The following CATSPERQ variants were observed in gnomAD, a reference collection of about 807,000 sequenced individuals.
CATSPERQ encodes the protein catsper channel auxiliary subunit theta, also known as cation channel sperm-associated auxiliary subunit theta.
the CATSPERQ span, chr8:144,353,466 A>C: frequency 6.5e-7 from 1 of 1,535,942 alleles, no homozygotes; most frequent in Non-Finnish European, 8.7e-7. Context: ...GGAGGTGGCC[A>C]GGTAGTCGAA....
At chr8:144,354,648 G>A in the CATSPERQ span, 22 of 1,533,352 alleles carry the variant, frequency 1.4e-5, no homozygotes, top group East Asian at 4.9e-5. This position sits in a 1 kb window ranked among gnomAD's most constrained non-coding sequence, Gnocchi z 4.6. Context: ...ATGGGTAGAA[G>A]CTATTGTTCT....
chr8:144,354,874 C>T, the CATSPERQ span: 1 of 1,441,670 alleles, frequency 6.9e-7, no homozygotes, highest in Non-Finnish European at 9.1e-7. The surrounding 1 kb of genome is among the most constrained non-coding windows in gnomAD (Gnocchi z 4.6). Context: ...GCTGCAGGCC[C>T]AGGAAGGAGC....
the CATSPERQ span, chr8:144,354,346 G>A: frequency 6.5e-7 from 1 of 1,531,880 alleles, no homozygotes; most frequent in South Asian, 1.2e-5. This position sits in a 1 kb window ranked among gnomAD's most constrained non-coding sequence, Gnocchi z 4.6. Flanking sequence ...GGGTGGCGCG[G>A]CGCGTGAGGA....
At chr8:144,353,920 T>TC in the CATSPERQ span, 1 of 1,527,688 alleles carries the variant, frequency 6.5e-7, no homozygotes, top group South Asian at 1.2e-5. Flanking sequence ...CCAAGCTGCC[T>TC]CCCCGTCCCT....
the CATSPERQ span, chr8:144,353,640 C>T: frequency 1.4e-5 from 20 of 1,451,678 alleles, no homozygotes; most frequent in South Asian, 5.0e-5. Context: ...GAAGCCCCGG[C>T]GCCCTCTCCA....
the CATSPERQ span, chr8:144,354,754 C>T: frequency 3.9e-6 from 6 of 1,535,330 alleles, no homozygotes; most frequent in South Asian, 2.4e-5. This position sits in a 1 kb window ranked among gnomAD's most constrained non-coding sequence, Gnocchi z 4.6. Context: ...GCTGCCGGCC[C>T]GGCCCTTAGG....
the CATSPERQ span, chr8:144,353,991 C>G: frequency 3.3e-6 from 5 of 1,534,626 alleles, no homozygotes; most frequent in African/African-American, 5.5e-5. Context: ...AGACCAGATG[C>G]AAGGGGCCCT....
At chr8:144,353,848 A>C in the CATSPERQ span, 5 of 1,535,276 alleles carry the variant, frequency 3.3e-6, no homozygotes, top group Non-Finnish European at 4.4e-6. Context: ...CAGGTGGAAG[A>C]AGCACCTTCC....
At chr8:144,353,299 C>G in the CATSPERQ span, 2 of 1,483,296 alleles carry the variant, frequency 1.3e-6, no homozygotes, top group Admixed American at 2.3e-5. Flanking sequence ...CAGAGTGGGG[C>G]TGGGAGGTTA....
the CATSPERQ span, chr8:144,354,649 C>A: frequency 6.5e-7 from 1 of 1,533,452 alleles, no homozygotes; most frequent in South Asian, 1.2e-5. The surrounding 1 kb of genome is among the most constrained non-coding windows in gnomAD (Gnocchi z 4.6). Flanking sequence ...TGGGTAGAAG[C>A]TATTGTTCTT....
At chr8:144,353,588 G>A in the CATSPERQ span, 4 of 1,483,984 alleles carry the variant, frequency 2.7e-6, no homozygotes, top group Non-Finnish European at 3.6e-6. Context: ...TCGCCGTCCA[G>A]GCGTCTCCTT....
chr8:144,353,589 G>A, the CATSPERQ span: 1 of 1,483,302 alleles, frequency 6.7e-7, no homozygotes, highest in Non-Finnish European at 9.0e-7. Context: ...CGCCGTCCAG[G>A]CGTCTCCTTC....
the CATSPERQ span, chr8:144,354,274 A>G: frequency 2.6e-6 from 4 of 1,520,932 alleles, 1 homozygote; most frequent in Non-Finnish European, 3.5e-6. The surrounding 1 kb of genome is among the most constrained non-coding windows in gnomAD (Gnocchi z 4.6). Flanking sequence ...GACCACGCTG[A>G]TGATGAAGAG....
At chr8:144,354,332 CTG>C in the CATSPERQ span, 9 of 1,533,116 alleles carry the variant, frequency 5.9e-6, no homozygotes, top group African/African-American at 9.6e-5. The surrounding 1 kb of genome is among the most constrained non-coding windows in gnomAD (Gnocchi z 4.6). Flanking sequence ...AGCACGAAGA[CTG>C]GGGGTGGCGC....
chr8:144,354,617 C>T, the CATSPERQ span: 2 of 1,528,514 alleles, frequency 1.3e-6, no homozygotes, highest in Non-Finnish European at 1.7e-6. The surrounding 1 kb of genome is among the most constrained non-coding windows in gnomAD (Gnocchi z 4.6). Flanking sequence ...TCGCGCGCAC[C>T]GTTTGGCTCC....
At chr8:144,354,445 C>T in the CATSPERQ span, 2 of 1,314,568 alleles carry the variant, frequency 1.5e-6, no homozygotes, top group Non-Finnish European at 2.0e-6. This position sits in a 1 kb window ranked among gnomAD's most constrained non-coding sequence, Gnocchi z 4.6. Context: ...GAGGCGACGT[C>T]TCGCCTGCGG....
the CATSPERQ span, chr8:144,354,190 G>C: frequency 1.3e-6 from 2 of 1,543,066 alleles, no homozygotes; most frequent in Non-Finnish European, 1.7e-6. The surrounding 1 kb of genome is among the most constrained non-coding windows in gnomAD (Gnocchi z 4.6). Context: ...CGCGGGGCCG[G>C]CCCTCAGGGG....
chr8:144,353,521 C>T, the CATSPERQ span: 25 of 1,533,468 alleles, frequency 1.6e-5, no homozygotes, highest in Admixed American at 7.9e-5. Context: ...CCCAAGTATT[C>T]CATTTGCTGT....
chr8:144,353,843 G>A, the CATSPERQ span: 2 of 1,535,358 alleles, frequency 1.3e-6, no homozygotes, highest in Admixed American at 2.0e-5. Flanking sequence ...AGGACCAGGT[G>A]GAAGAAGCAC....
Sources: gnomAD v4.1 joint callset for allele counts on GRCh38, gnomAD v4.1.1 for gene constraint, Gnocchi (gnomAD v3.1) non-coding constraint, MANE v1.5 for transcripts, NCBI Gene and HGNC (gene_info 2026-07-23, HGNC 2026-07-21) for gene names.